Variants in ZNF717 observed in about 807,000 individuals in gnomAD.
The protein encoded by ZNF717 is zinc finger protein 717.
ZNF717 carries 9 observed loss-of-function variants against 13.8 expected under a neutral mutation model. The observed-to-expected ratio is 0.65, with a 90% CI of 0.39 to 1.14. The LOEUF (loss-of-function observed/expected upper bound fraction) is 1.14, where lower values mean the gene tolerates loss of function less well. Ranked by LOEUF, ZNF717 falls within the 50% of genes most tolerant of loss-of-function variation. ZNF717 has a pLI of 0.01. For missense variants in ZNF717, 1,040 were observed against 1,080.7 expected (o/e 0.96, Z 0.53); for synonymous variants, 327 against 364.1 (o/e 0.90, Z 1.16).
intron 6 of ZNF717, among the ~76,000 whole-genome samples, chr3:75,702,438 G>A (rs1937713697): frequency 6.6e-6 from 1 of 152,286 alleles, no homozygotes; most frequent in Non-Finnish European, 1.5e-5. Context: ...GTGTCATAGA[G>A]ATGGAGAGTA....
chr3:75,703,704 A>G (rs1427811687), intron 6 of ZNF717, among the ~76,000 whole-genome samples: 6 of 152,308 alleles, frequency 3.9e-5, no homozygotes. Flanking sequence ...TTTGGTAAAC[A>G]TACCAAATTC....
At chr3:75,766,336 A>G (rs1943464273) in intron 2 of ZNF717, among the ~76,000 whole-genome samples, 2 of 152,218 alleles carry the variant, frequency 1.3e-5, no homozygotes, top group South Asian at 4.1e-4. Flanking sequence ...CACTAATCAT[A>G]AAAAGATGGT....
intron 2 of ZNF717, among the ~76,000 whole-genome samples, chr3:75,750,187 G>C (rs1575825168): frequency 6.6e-6 from 1 of 151,316 alleles, no homozygotes; most frequent in Admixed American, 6.6e-5. Flanking sequence ...TAGGATTGCA[G>C]AACACTCCTG....
At position 75,738,316 on chromosome 3, in the gene ZNF717, G is replaced by A; in HGVS notation, c.1307C>T (p.Ser436Leu). Reference sequence around the variant, plus strand: ...TGTTCTCTGATGGACAGTAAGCCTTGACTTATGGCTAAATGCTTCTTCACA... The same window carrying A: ...TGTTCTCTGATGGACAGTAAGCCTTAACTTATGGCTAAATGCTTCTTCACA... ...DHCEEAFSHKSRLTVHQRTHT... is the reference protein window; with the variant it reads ...DHCEEAFSHKLRLTVHQRTHT... The change falls in exon 5 of 5, where the codon TCA (serine) becomes TTA (leucine). Residue 436 changes from serine to leucine, a missense_variant. Ser to Leu is a moderately radical substitution (Grantham distance 145, BLOSUM62 -2). Around this residue, in one of 3 missense-constraint regions of ZNF717, gnomAD observed 873 missense variants for 832.8 expected, o/e 1.05. Transcript: ENST00000652011. 1 of 1,542,836 alleles carries A rather than the reference G, an allele frequency of 6.5e-7. No individual in the cohort carries two copies. The highest frequency in any genetic ancestry group is 1.7e-4 in the Middle Eastern group (1 of 5,948).
At chr3:75,777,499 G>A (rs1272710754) in intron 2 of ZNF717, among the ~76,000 whole-genome samples, 3 of 151,920 alleles carry the variant, frequency 2.0e-5, no homozygotes, top group Non-Finnish European at 2.9e-5. Flanking sequence ...AAAACAATGG[G>A]AGTGATGTGC....
intron 2 of ZNF717, among the ~76,000 whole-genome samples, chr3:75,758,393 T>C (rs939832107): frequency 3.9e-5 from 6 of 152,164 alleles, no homozygotes; most frequent in Admixed American, 3.3e-4. Context: ...GTAAACACTG[T>C]TGAGATGACA....
downstream of ZNF717, among the ~76,000 whole-genome samples, chr3:75,732,458 C>T (rs1317522702): frequency 8.5e-5 from 13 of 152,210 alleles, no homozygotes; most frequent in African/African-American, 1.4e-4. Flanking sequence ...CTGTTGAAAC[C>T]GAGTCTCCAA....
chr3:75,708,565 C>T (rs1937853797), downstream of ZNF717, among the ~76,000 whole-genome samples: 1 of 152,190 alleles, frequency 6.6e-6, no homozygotes, highest in Non-Finnish European at 1.5e-5. Context: ...AGTGCCTCTC[C>T]TCCTCCAAAG....
intron 2 of ZNF717, among the ~76,000 whole-genome samples, chr3:75,776,323 A>T (rs1944315392): frequency 6.6e-6 from 1 of 152,284 alleles, no homozygotes; most frequent in African/African-American, 2.4e-5. Flanking sequence ...TATTCCTAGG[A>T]AAACAATCAA....
downstream of ZNF717, among the ~76,000 whole-genome samples, chr3:75,726,447 ACT>A (rs1938282313): frequency 1.3e-5 from 2 of 152,200 alleles, no homozygotes; most frequent in African/African-American, 4.8e-5. Context: ...ACATGGTGAA[ACT>A]CTGTCTCTAC....
downstream of ZNF717, among the ~76,000 whole-genome samples, chr3:75,706,151 T>G (rs1249768608): frequency 3.9e-5 from 6 of 152,390 alleles, no homozygotes; most frequent in East Asian, 9.7e-4. Flanking sequence ...AAAAGTGTGA[T>G]AAAGCTTTTT....
rs376395974 is a variant in ZNF717 at position 75,752,684 on chromosome 3, T to C, written c.58-10948A>G. 2.8e-3 allele frequency among the ~76,000 whole-genome samples: 414 copies of C among 147,810 alleles called. 16 individuals are homozygous for C. The East Asian group carries it at 0.073, about 26-fold the overall frequency. Reference sequence around the variant, plus strand: ...CAGAACACTGCTACAAGGGTCTGAATGTTTGTCCCTCACATAGGATTCCAG... The same window carrying C: ...CAGAACACTGCTACAAGGGTCTGAACGTTTGTCCCTCACATAGGATTCCAG... On this transcript the variant is annotated intron_variant, in intron 2 of 4. Coordinates refer to ENST00000652011, the MANE Select transcript of ZNF717 (RefSeq NM_001290208.3).
intron 4 of ZNF717, among the ~76,000 whole-genome samples, chr3:75,722,603 TCAGGAGTTTGAGACCAGCCTGG>T (rs2106868727): frequency 6.6e-6 from 1 of 151,972 alleles, no homozygotes; most frequent in Admixed American, 6.6e-5. Flanking sequence ...TCACTTGAGG[TCAGGAGTTTGAGACCAGCCTGG>T]CCAACATGGT....
intron 2 of ZNF717, among the ~76,000 whole-genome samples, chr3:75,776,474 T>G (rs1255248502): frequency 1.4e-4 from 21 of 152,272 alleles, no homozygotes; most frequent in Admixed American, 1.4e-3. Flanking sequence ...AACAGTAGAT[T>G]ATTATGCTGA....
intron 1 of ZNF717, among the ~76,000 whole-genome samples, chr3:75,784,317 G>T (rs1244604267): frequency 6.6e-6 from 1 of 152,182 alleles, no homozygotes; most frequent in Non-Finnish European, 1.5e-5. Flanking sequence ...AGCCAGTAAG[G>T]TTTAATTAGT....
At position 75,743,876 on chromosome 3, in the gene ZNF717, T is replaced by C. The variant is rs1389696435; in HGVS notation, c.58-2140A>G. Among the ~76,000 whole-genome samples, 5 of 151,812 alleles carry C rather than the reference T, an allele frequency of 3.3e-5. No homozygotes were observed. In the East Asian group the frequency reaches 9.6e-4, roughly 29 times the overall value. On this transcript the variant is annotated intron_variant, in intron 2 of 4. Coordinates refer to ENST00000652011, the MANE Select transcript of ZNF717 (RefSeq NM_001290208.3). ...CAGAAGTGACACAGACTTGGACATATCATGTGTGAAACATCTGAGGTTCCA... is the reference window on the plus strand; with the variant it reads ...CAGAAGTGACACAGACTTGGACATACCATGTGTGAAACATCTGAGGTTCCA...
chr3:75,745,280 C>A (rs1417232638), intron 2 of ZNF717, among the ~76,000 whole-genome samples: 1 of 151,588 alleles, frequency 6.6e-6, no homozygotes, highest in Non-Finnish European at 1.5e-5. Flanking sequence ...AATGCAGTAG[C>A]GTTCTGGCAT....
intron 2 of ZNF717, among the ~76,000 whole-genome samples, chr3:75,774,807 G>C (rs1229185044): frequency 6.6e-6 from 1 of 151,920 alleles, no homozygotes; most frequent in African/African-American, 2.4e-5. Flanking sequence ...TTTTAGTAGA[G>C]ACGGGGTTTC....
downstream of ZNF717, among the ~76,000 whole-genome samples, chr3:75,734,814 TA>T (rs1405022283): frequency 3.8e-3 from 65 of 17,066 alleles, no homozygotes; most frequent in Middle Eastern, 0.083. Context: ...TATATATATA[TA>T]TATTTTTTTT....
Sources: allele counts gnomAD v4.1 joint callset (sites outside exome capture counted in the v4.1 genomes callset), GRCh38; gene constraint gnomAD v4.1.1; regional missense constraint gnomAD v4.1.1; transcripts MANE v1.5; gene names NCBI Gene and HGNC (gene_info 2026-07-23, HGNC 2026-07-21).